Variants in AUTS2 observed in about 807,000 individuals in gnomAD.
AUTS2 encodes activator of transcription and developmental regulator AUTS2.
A neutral mutation model predicts 112.4 loss-of-function variants in AUTS2; 17 were observed. The observed-to-expected ratio is 0.15, with a 90% CI of 0.10 to 0.23. AUTS2 has a LOEUF of 0.23. Among genes scored for constraint, AUTS2 ranks in the 10% least tolerant of loss-of-function variants. The pLI, the probability that AUTS2 is intolerant of heterozygous loss-of-function variation, is 1.00. For synonymous variants in AUTS2, 751 were observed against 702.7 expected, an observed-to-expected ratio of 1.07 and a Z score of -1.09; for missense variants, 1,510 against 1,701.6, an observed-to-expected ratio of 0.89 and a Z score of 1.98.
chr7:70,011,528 A>C (rs2129554243), intron 2 of AUTS2, among the ~76,000 whole-genome samples: 1 of 152,330 alleles, frequency 6.6e-6, no homozygotes, highest in East Asian at 1.9e-4. Context: ...TACATGCCAA[A>C]TTATCCCAGA....
chr7:70,607,983 T>G (rs1477327846), intron 5 of AUTS2, among the ~76,000 whole-genome samples: 1 of 152,224 alleles, frequency 6.6e-6, no homozygotes, highest in East Asian at 1.9e-4. Flanking sequence ...ATGATACGAC[T>G]CTTCCTGAAA....
chr7:70,073,485 T>C (rs111800986), intron 2 of AUTS2, among the ~76,000 whole-genome samples: 1,477 of 140,690 alleles, frequency 0.01, 35 homozygotes, highest in African/African-American at 0.038. Flanking sequence ...CACTCCAGCC[T>C]GGGTGACAAA....
At chr7:69,939,527 A>G (rs919627020) in intron 2 of AUTS2, among the ~76,000 whole-genome samples, 3 of 152,148 alleles carry the variant, frequency 2.0e-5, no homozygotes, top group Non-Finnish European at 1.5e-5. Flanking sequence ...CTTTCATGAA[A>G]CACTATCTGT....
intron 1 of AUTS2, among the ~76,000 whole-genome samples, chr7:69,852,105 T>A (rs1361802069): frequency 2.0e-5 from 3 of 152,148 alleles, no homozygotes; most frequent in African/African-American, 7.2e-5. Context: ...TGATGTTAGT[T>A]GTAGGTTTTT....
intron 6 of AUTS2, among the ~76,000 whole-genome samples, chr7:70,742,865 G>A (rs17762815): frequency 0.092 from 13,986 of 152,124 alleles, 720 homozygotes; most frequent in East Asian, 0.24. Context: ...TCTTAGAACT[G>A]GAAAGGACCA....
At chr7:70,416,605 G>A (rs896016951) in intron 4 of AUTS2, among the ~76,000 whole-genome samples, 5 of 152,288 alleles carry the variant, frequency 3.3e-5, no homozygotes, top group African/African-American at 4.8e-5. Flanking sequence ...CCCTAACTCC[G>A]GGAAGAAGCA....
intron 5 of AUTS2, among the ~76,000 whole-genome samples, chr7:70,570,362 C>T (rs534830761): frequency 1.3e-5 from 2 of 152,292 alleles, no homozygotes; most frequent in South Asian, 4.2e-4. Context: ...TTATTCAACA[C>T]ACTATATTGG....
chr7:70,161,260 C>A (rs6460539), intron 4 of AUTS2, among the ~76,000 whole-genome samples: 32,579 of 151,332 alleles, frequency 0.22, 3,497 homozygotes, highest in Middle Eastern at 0.33. Flanking sequence ...TTTAATGAAT[C>A]TTTCCCCCAA....
chr7:70,579,000 C>T (rs1484812791), intron 5 of AUTS2, among the ~76,000 whole-genome samples: 4 of 147,860 alleles, frequency 2.7e-5, no homozygotes, highest in African/African-American at 1.0e-4. Context: ...GATCATGGCT[C>T]ACTGCAGCCT....
intron 4 of AUTS2, among the ~76,000 whole-genome samples, chr7:70,229,592 A>G (rs763749173): frequency 1.1e-4 from 17 of 152,094 alleles, no homozygotes; most frequent in Non-Finnish European, 1.9e-4. Flanking sequence ...TAATTTTGGA[A>G]GTTTAGATTA....
intron 2 of AUTS2, among the ~76,000 whole-genome samples, chr7:70,077,518 A>G (rs184866853): frequency 2.0e-5 from 3 of 152,222 alleles, no homozygotes; most frequent in Non-Finnish European, 4.4e-5. Flanking sequence ...TGCCCTGTAC[A>G]TAGGAGGAGC....
intron 4 of AUTS2, among the ~76,000 whole-genome samples, chr7:70,251,181 C>T (rs943788273): frequency 3.3e-5 from 5 of 151,974 alleles, no homozygotes; most frequent in Admixed American, 6.6e-5. Flanking sequence ...TCTCCTGCCT[C>T]GGCCTCCCAA....
intron 5 of AUTS2, among the ~76,000 whole-genome samples, chr7:70,438,238 T>C (rs1431389787): frequency 4.6e-5 from 7 of 152,154 alleles, no homozygotes; most frequent in Non-Finnish European, 8.8e-5. Context: ...AGTGTCGGAA[T>C]AATGGGTATT....
At chr7:70,029,541 A>G (rs1218883977) in intron 2 of AUTS2, among the ~76,000 whole-genome samples, 1 of 152,176 alleles carries the variant, frequency 6.6e-6, no homozygotes, top group East Asian at 1.9e-4. Flanking sequence ...ATACTGTAGT[A>G]ACTTCCATCT....
intron 5 of AUTS2, among the ~76,000 whole-genome samples, chr7:70,453,131 T>G (rs1446661937): frequency 6.6e-6 from 1 of 150,838 alleles, no homozygotes; most frequent in Non-Finnish European, 1.5e-5. Context: ...GGGGTCCTAA[T>G]GTGTGCTTCA....
At chr7:70,544,135 G>A (rs1212854376) in intron 5 of AUTS2, among the ~76,000 whole-genome samples, 5 of 152,178 alleles carry the variant, frequency 3.3e-5, no homozygotes, top group Admixed American at 3.3e-4. Context: ...GATTTGGTGT[G>A]ATTTGCTAAT....
At chr7:70,544,276 G>A (rs185097649) in intron 5 of AUTS2, among the ~76,000 whole-genome samples, 2 of 152,310 alleles carry the variant, frequency 1.3e-5, no homozygotes, top group Admixed American at 6.5e-5. Context: ...CCCAAATTAT[G>A]TATGTCTTTT....
At chr7:70,708,675 C>G (rs1030157716) in intron 6 of AUTS2, among the ~76,000 whole-genome samples, 5 of 151,924 alleles carry the variant, frequency 3.3e-5, no homozygotes, top group South Asian at 2.1e-4. Context: ...AAAAATTGAC[C>G]AGCCCTCAAA....
chr7:70,105,291 T>C (rs1390877125), intron 2 of AUTS2, among the ~76,000 whole-genome samples: 3 of 152,132 alleles, frequency 2.0e-5, no homozygotes, highest in Non-Finnish European at 4.4e-5. Context: ...GATGGGGTCT[T>C]ACTCTGTCAC....
Sources: allele counts gnomAD v4.1 joint callset (sites outside exome capture counted in the v4.1 genomes callset), GRCh38; gene constraint gnomAD v4.1.1; transcripts MANE v1.5; gene names NCBI Gene and HGNC (gene_info 2026-07-23, HGNC 2026-07-21).